The following FAM221B variants were observed in gnomAD, a reference collection of about 807,000 sequenced individuals.
FAM221B encodes the protein family with sequence similarity 221 member B, also known as protein FAM221B.
A neutral mutation model predicts 39.8 loss-of-function variants in FAM221B; 35 were observed. The ratio of observed to expected loss-of-function variants is 0.88; its 90% confidence interval spans 0.67 to 1.17. The LOEUF is 1.17. Ranked by LOEUF, FAM221B falls within the 50% of genes most tolerant of loss-of-function variation. The probability of loss-of-function intolerance (pLI) is 0.00; values close to 1 mark genes in which losing one functional copy is unlikely to be tolerated. For synonymous variants in FAM221B, 158 were observed against 178.1 expected, an observed-to-expected ratio of 0.89 and a Z score of 0.90; for missense variants, 479 against 503.1, an observed-to-expected ratio of 0.95 and a Z score of 0.46.
At position 35,816,813 on chromosome 9, in the gene FAM221B, A is replaced by C. The variant is rs1216704610; in HGVS notation, c.*1656T>G. The C allele has an allele frequency of 2.6e-5, 4 of 152,222 alleles. No homozygotes were observed. The highest frequency in any genetic ancestry group is 5.9e-5 in the Non-Finnish European group (4 of 68,030). The allele number at this position is 152,222 out of a possible 1,614,324, so 9.4% of individuals were successfully genotyped here. A position where few individuals can be genotyped will look rare whatever the true frequency, so the allele number is the denominator to read the frequency against. On this transcript the variant is annotated 3_prime_UTR_variant, in exon 7 of 7. Transcript: ENST00000423537. ...TTTTCCCCAGGGATCCTAGCAGTCC[A>C]GATTGCATTCCTTCCCTTGGAGGAA... is the stretch of plus-strand genomic sequence containing the variant.
At position 35,826,147 on chromosome 9, in the gene FAM221B, C is replaced by A; in HGVS notation, c.15G>T (p.Glu5Asp). Reference sequence around the variant, plus strand: ...TGGTGATATGAGGCTCTTCTATGATCTCATGTGCTTCCATCTAGTGGTAGA... The same window carrying A: ...TGGTGATATGAGGCTCTTCTATGATATCATGTGCTTCCATCTAGTGGTAGA... MEAH[E>D]IIEEPHITMD... The change falls in exon 2 of 7, where the codon GAG becomes GAT. Residue 5 changes from glutamate to aspartate, a missense_variant. By Grantham distance (45) the Glu-to-Asp change is conservative. Coordinates refer to ENST00000423537, the MANE Select transcript of FAM221B (RefSeq NM_001012446.4). The A allele has an allele frequency of 1.3e-6, 2 of 1,588,562 alleles. No homozygotes were observed. Among genetic ancestry groups the A allele is most frequent in the South Asian group, 1.2e-5 (1 of 86,424 alleles).
At position 35,828,350 on chromosome 9, in the gene FAM221B, T is replaced by A. The variant is rs576858061; in HGVS notation, c.-1+113A>T. On this transcript the variant is annotated intron_variant, in intron 1 of 6. Transcript: ENST00000423537. This position sits in a 1 kb window ranked among gnomAD's most constrained non-coding sequence, Gnocchi z 4.5. ...CAACAACAACTACTACTACTACTAC[T>A]ACTACTACTACTACTACTACTACTA... is the stretch of plus-strand genomic sequence containing the variant. The A allele has an allele frequency of 3.5e-3, 588 of 169,210 alleles. 4 individuals are homozygous for A. The highest frequency in any genetic ancestry group is 8.9e-3 in the Middle Eastern group (3 of 338). 10.5% of individuals were successfully genotyped at this position (169,210 alleles called of 1,614,324 possible).
chr9:35,819,696 C>T (rs1202505071), intron 4 of FAM221B, among the ~76,000 whole-genome samples, 194 bp downstream of exon 4: 1 of 151,980 alleles, frequency 6.6e-6, no homozygotes, highest in Non-Finnish European at 1.5e-5. Flanking sequence ...TTAGTAGAGA[C>T]GGTGTTTCAC....
In FAM221B at chr9:35,818,933, GAA is replaced by G. The variant is rs1829075263; in HGVS notation, c.1126_1127del (p.Phe376LeufsTer2). On this transcript the variant is annotated frameshift_variant, in exon 6 of 7. Coordinates refer to ENST00000423537, the MANE Select transcript of FAM221B (RefSeq NM_001012446.4). LOFTEE classifies it high-confidence loss of function. ...CDRRWEEHETFFDTQKTRQRG... is the reference protein window; with the variant it reads ...CDRRWEEHETXFDTQKTRQRG... ...GTTGCCGGGTCTTCTGGGTGTCAAAGAAAGTCTCGTGTTCCTCCCAGCGCCGG... is the reference window on the plus strand; with the variant it reads ...GTTGCCGGGTCTTCTGGGTGTCAAAGAGTCTCGTGTTCCTCCCAGCGCCGG... The G allele has an allele frequency of 1.9e-6, 3 of 1,551,916 alleles. No individual in the cohort carries two copies. The East Asian group carries it at 7.3e-5, about 38-fold the overall frequency.
chr9:35,818,329 G>T lies in FAM221B; in HGVS notation c.*140C>A. Reference sequence around the variant, plus strand: ...TGAGTGTGATGGAGGCAGATGGCCAGATCCAGGCTTTCTCCTGTGTCTAAT... The same window carrying T: ...TGAGTGTGATGGAGGCAGATGGCCATATCCAGGCTTTCTCCTGTGTCTAAT... On this transcript the variant is annotated 3_prime_UTR_variant, in exon 7 of 7. Transcript: ENST00000423537. 1.3e-6 allele frequency: 1 copy of T among 789,702 alleles called. No homozygotes were observed. Among genetic ancestry groups the T allele is most frequent in the African/African-American group, 1.7e-5 (1 of 58,594 alleles). 48.9% of individuals were successfully genotyped at this position (789,702 alleles called of 1,614,324 possible). A position where few individuals can be genotyped will look rare whatever the true frequency, so the allele number is the denominator to read the frequency against.
In FAM221B at chr9:35,826,038, G is replaced by C. The variant is rs1370663525; in HGVS notation, c.124C>G (p.Pro42Ala). 9.3e-6 allele frequency: 15 copies of C among 1,613,986 alleles called. No individual in the cohort carries two copies. The highest frequency in any genetic ancestry group is 1.1e-5 in the Non-Finnish European group (13 of 1,180,016). ...ENHISESFLK[P>A]STSETPLEPH... ...TCTAACGGGGTCTCAGAGGTGGAAG[G>C]CTTCAAGAAGCTTTCAGAGATATGG... Residue 42 changes from proline (P) to alanine (A), a missense_variant, in exon 2 of 7, where the codon CCT becomes GCT. Pro to Ala is a conservative substitution (Grantham distance 27). Coordinates refer to ENST00000423537, the MANE Select transcript of FAM221B (RefSeq NM_001012446.4).
At position 35,825,397 on chromosome 9, in the gene FAM221B, C is replaced by G. The variant is rs1829313379; in HGVS notation, c.599-24G>C. The G allele has an allele frequency of 6.2e-7, 1 of 1,613,494 alleles. No individual in the cohort carries two copies. Among genetic ancestry groups the G allele is most frequent in the Non-Finnish European group, 8.5e-7 (1 of 1,179,900 alleles). ...ACCTAGGATGGGAGAGGATGAGTAA[C>G]CAGGGGGAAGTGAGAAGGCCCTAAA... On this transcript the variant is annotated intron_variant, in intron 2 of 6. Coordinates refer to ENST00000423537, the MANE Select transcript of FAM221B (RefSeq NM_001012446.4). This position sits in a 1 kb window ranked among gnomAD's most constrained non-coding sequence, Gnocchi z 4.2.
rs1391772092 is a variant in FAM221B, at chr9:35,825,761, G to A, written c.401C>T (p.Ser134Phe). Residue 134 changes from serine (S) to phenylalanine (F), a missense_variant, in exon 2 of 7, where the codon TCC (serine) becomes TTC (phenylalanine). Transcript: ENST00000423537. The surrounding 1 kb of genome is among the most constrained non-coding windows in gnomAD (Gnocchi z 4.2). ...CCTCCTTGTCCATGGGACCTCATTG[G>A]AAGAAGACTCAGAGGAGAGGTCTTC... ...LKEDLSSESSSNEVPWTRRST... is the reference protein window; with the variant it reads ...LKEDLSSESSFNEVPWTRRST... 6.2e-7 allele frequency: 1 copy of A among 1,614,230 alleles called. No homozygotes were observed. Among genetic ancestry groups the A allele is most frequent in the East Asian group, 2.2e-5 (1 of 44,888 alleles).
rs745356093 is a variant in FAM221B at position 35,825,307 on chromosome 9, T to C, written c.665A>G (p.His222Arg). 3 of 1,614,256 alleles carry C rather than the reference T, an allele frequency of 1.9e-6. No individual in the cohort carries two copies. The highest frequency in any genetic ancestry group is 2.5e-6 in the Non-Finnish European group (3 of 1,180,042). ...TELVEVAKAM[H>R]REEFGAQVNN... is the part of the protein sequence containing the mutation. Reference sequence around the variant, plus strand: ...CACTTGAGCACCAAACTCCTCTCTATGCATTGCCTTAGCCACTTCCACCAG... The same window carrying C: ...CACTTGAGCACCAAACTCCTCTCTACGCATTGCCTTAGCCACTTCCACCAG... Residue 222 changes from histidine (H) to arginine (R), a missense_variant, in exon 3 of 7, where the codon CAT becomes CGT. Physicochemically the swap from His to Arg is conservative, Grantham distance 29. Transcript: ENST00000423537. The surrounding 1 kb of genome is among the most constrained non-coding windows in gnomAD (Gnocchi z 4.2).
At chr9:35,819,488 G>A (rs1387062693) in intron 4 of FAM221B, 94 bp from the exon 5 acceptor site, 8 of 1,149,024 alleles carry the variant, frequency 7.0e-6, no homozygotes, top group South Asian at 6.5e-5. Flanking sequence ...CCCTATGCAC[G>A]CAGACATGCT....
chr9:35,825,878 T>C lies in FAM221B; in HGVS notation c.284A>G (p.Asp95Gly). The change falls in exon 2 of 7, where the codon GAT becomes GGT. Residue 95 changes from aspartate to glycine, a missense_variant. By Grantham distance (94) the Asp-to-Gly change is moderately conservative. Coordinates refer to ENST00000423537, the MANE Select transcript of FAM221B (RefSeq NM_001012446.4). This position sits in a 1 kb window ranked among gnomAD's most constrained non-coding sequence, Gnocchi z 4.2. Reference protein sequence around the residue: ...SETPTYEASLDSPISVVPEKH... With the variant: ...SETPTYEASLGSPISVVPEKH... Reference sequence around the variant, plus strand: ...CTCTGGCACCACTGAGATGGGACTATCCAATGAAGCCTCATAGGTAGGGGT... The same window carrying C: ...CTCTGGCACCACTGAGATGGGACTACCCAATGAAGCCTCATAGGTAGGGGT... The C allele has an allele frequency of 6.2e-7, 1 of 1,613,886 alleles. No homozygotes were observed. Among genetic ancestry groups the C allele is most frequent in the African/African-American group, 1.3e-5 (1 of 74,990 alleles).
At chr9:35,821,922 G>A (rs1829160539) in intron 3 of FAM221B, among the ~76,000 whole-genome samples, 1 of 152,216 alleles carries the variant, frequency 6.6e-6, no homozygotes, top group Admixed American at 6.5e-5. Flanking sequence ...ACAAGGCCTG[G>A]CGGGGGAGGA....
At position 35,818,208 on chromosome 9, in the gene FAM221B, A is replaced by G. The variant is rs903528567; in HGVS notation, c.*261T>C. The G allele has an allele frequency of 4.2e-5, 22 of 521,744 alleles. No homozygotes were observed. The highest frequency in any genetic ancestry group is 3.6e-4 in the East Asian group (11 of 30,700). The allele number at this position is 521,744 out of a possible 1,614,324, so 32.3% of individuals were successfully genotyped here. On this transcript the variant is annotated 3_prime_UTR_variant, in exon 7 of 7. Coordinates refer to ENST00000423537, the MANE Select transcript of FAM221B (RefSeq NM_001012446.4). ...CAGTCTTTATCTTATTGGTGCCCCAACTGCATCTAACATCACTTCCCACTC... is the reference window on the plus strand; with the variant it reads ...CAGTCTTTATCTTATTGGTGCCCCAGCTGCATCTAACATCACTTCCCACTC...
At position 35,819,942 on chromosome 9, in the gene FAM221B, A is replaced by G; in HGVS notation, c.801T>C (p.Asp267=). 7 of 1,614,160 alleles carry G rather than the reference A, an allele frequency of 4.3e-6. No homozygotes were observed. Among genetic ancestry groups the G allele is most frequent in the Non-Finnish European group, 5.1e-6 (6 of 1,180,012 alleles). Residue 267 remains aspartate, a synonymous_variant, in exon 4 of 7, where the codon GAT becomes GAC. Transcript: ENST00000423537. ...HYLWDCFRIG[D]ESRCFCGHLL... ...AGTGTCCACAAAAGCATCTGGACTC[A>G]TCCCCAATCCGGAAACAGTCCCATA...
rs1275427726 is a variant in FAM221B, at chr9:35,828,282, ACT to A, written c.-1+179_-1+180del. Among the ~76,000 whole-genome samples, 1 of 146,776 alleles carries A rather than the reference ACT, an allele frequency of 6.8e-6. No homozygotes were observed. Among genetic ancestry groups the A allele is most frequent in the East Asian group, 2.0e-4 (1 of 4,918 alleles). ...ACTCCAGCCTGGGGGACAGAGCGAGACTCTGTCTCAAACAACAACAACAACAA... is the reference window on the plus strand; with the variant it reads ...ACTCCAGCCTGGGGGACAGAGCGAGACTGTCTCAAACAACAACAACAACAA... On this transcript the variant is annotated intron_variant, in intron 1 of 6. Transcript: ENST00000423537. The surrounding 1 kb of genome is among the most constrained non-coding windows in gnomAD (Gnocchi z 4.5).
chr9:35,818,867 C>G, intron 6 of FAM221B, 23 bp downstream of exon 6: 1 of 1,551,098 alleles, frequency 6.4e-7, no homozygotes, highest in African/African-American at 1.4e-5. Flanking sequence ...GGAATGGCCC[C>G]CTGTCCCAGG....
rs1314665662 is a variant in FAM221B, at chr9:35,818,143, C to T, written c.*326G>A. ...GTGTGAAACTGCACTCTCCGATGTT[C>T]CCAAAGATCTTCTAATTGCAAAACC... On this transcript the variant is annotated 3_prime_UTR_variant, in exon 7 of 7. Coordinates refer to ENST00000423537, the MANE Select transcript of FAM221B (RefSeq NM_001012446.4). The T allele has an allele frequency of 5.7e-6, 2 of 353,310 alleles. No individual in the cohort carries two copies. Among genetic ancestry groups the T allele is most frequent in the Non-Finnish European group, 1.1e-5 (2 of 187,248 alleles). The allele number at this position is 353,310 out of a possible 1,614,324, so 21.9% of individuals were successfully genotyped here.
rs1468927515 is a variant in FAM221B at position 35,819,947 on chromosome 9, C to T, written c.796G>A (p.Gly266Arg). ...PHYLWDCFRI[G>R]DESRCFCGHL... is the part of the protein sequence containing the mutation. ...CCACAAAAGCATCTGGACTCATCCC[C>T]AATCCGGAAACAGTCCCATAGGTAA... Residue 266 changes from glycine to arginine, a missense_variant, in exon 4 of 7, where the codon GGG (glycine) becomes AGG (arginine). Physicochemically the swap from Gly to Arg is moderately radical, Grantham distance 125. Transcript: ENST00000423537. 1 of 1,610,330 alleles carries T rather than the reference C, an allele frequency of 6.2e-7. No homozygotes were observed. The highest frequency in any genetic ancestry group is 1.7e-5 in the Admixed American group (1 of 59,540).
Position 35,818,916 on chromosome 9 carries a change from G to T in FAM221B, c.1145C>A (p.Thr382Asn). 6.4e-7 allele frequency: 1 copy of T among 1,551,918 alleles called. No individual in the cohort carries two copies. The highest frequency in any genetic ancestry group is 1.4e-5 in the African/African-American group (1 of 73,156). ...EHETFFDTQKTRQRGGRPRGT... is the reference protein window; with the variant it reads ...EHETFFDTQKNRQRGGRPRGT... Reference sequence around the variant, plus strand: ...GCGAGGCCTTCCTCCTCGTTGCCGGGTCTTCTGGGTGTCAAAGAAAGTCTC... The same window carrying T: ...GCGAGGCCTTCCTCCTCGTTGCCGGTTCTTCTGGGTGTCAAAGAAAGTCTC... Residue 382 changes from threonine to asparagine, a missense_variant, in exon 6 of 7, where the codon ACC becomes AAC. By Grantham distance (65) the Thr-to-Asn change is moderately conservative. Coordinates refer to ENST00000423537, the MANE Select transcript of FAM221B (RefSeq NM_001012446.4).
Sources: gnomAD v4.1 joint callset for allele counts (sites outside exome capture counted in the v4.1 genomes callset) on GRCh38, gnomAD v4.1.1 for gene constraint, Gnocchi (gnomAD v3.1) non-coding constraint, MANE v1.5 for transcripts, NCBI Gene and HGNC (gene_info 2026-07-23, HGNC 2026-07-21) for gene names.